SLC24A4: variants seen among roughly 807,000 people sequenced by gnomAD.
The protein encoded by SLC24A4 is sodium/potassium/calcium exchanger 4.
A neutral mutation model predicts 79.0 loss-of-function variants in SLC24A4; 53 were observed. The ratio of observed to expected loss-of-function variants is 0.67; its 90% confidence interval spans 0.54 to 0.84. The LOEUF is 0.84. Ranked by LOEUF, SLC24A4 falls within the 40% of genes least tolerant of loss-of-function variation. The probability of loss-of-function intolerance (pLI) is 0.00; values close to 1 mark genes in which losing one functional copy is unlikely to be tolerated. For synonymous variants in SLC24A4, 323 were observed against 323.8 expected (o/e 1.00, Z 0.03); for missense variants, 731 against 822.0 (o/e 0.89, Z 1.35).
chr14:92,480,537 C>G (rs543007657), intron 12 of SLC24A4, among the ~76,000 whole-genome samples: 2 of 151,712 alleles, frequency 1.3e-5, no homozygotes, highest in African/African-American at 4.8e-5. Flanking sequence ...TCATGATCCA[C>G]CCGCCTCGGC....
chr14:92,359,679 A>G (rs1887390061), intron 2 of SLC24A4, among the ~76,000 whole-genome samples: 1 of 152,230 alleles, frequency 6.6e-6, no homozygotes, highest in African/African-American at 2.4e-5. Context: ...AAGTAATTAT[A>G]AAGTAAAAAC....
intron 16 of SLC24A4, chr14:92,492,972 A>G (rs142989980): frequency 0.029 from 4,926 of 171,976 alleles, 40 homozygotes; most frequent in Admixed American, 0.046. Flanking sequence ...ACACACACAC[A>G]CACACACACA....
intron 2 of SLC24A4, among the ~76,000 whole-genome samples, chr14:92,372,266 C>A (rs1430715723): frequency 6.6e-6 from 1 of 152,120 alleles, no homozygotes; most frequent in Non-Finnish European, 1.5e-5. Flanking sequence ...GCACTTGAGT[C>A]TCACCAGACA....
At position 92,444,932 on chromosome 14, in the gene SLC24A4, TACACACACACACAC is replaced by T. The variant is rs10548937; in HGVS notation, c.658-358_658-345del. 7.7e-3 allele frequency among the ~76,000 whole-genome samples: 1,100 copies of T among 142,938 alleles called. 13 individuals carry two copies. Among genetic ancestry groups the T allele is most frequent in the African/African-American group, 0.026 (1,026 of 39,360 alleles). The allele number at this position is 142,938 out of a possible 152,430, so 93.8% of individuals were successfully genotyped here. On this transcript the variant is annotated intron_variant, in intron 7 of 16. Coordinates refer to ENST00000532405, the MANE Select transcript of SLC24A4 (RefSeq NM_153646.4). ...CACACACACCCTATATACACACACA[TACACACACACACAC>T]ACACACACACACACACACACACACA...
At chr14:92,363,709 G>A (rs952856474) in intron 2 of SLC24A4, among the ~76,000 whole-genome samples, 1 of 151,990 alleles carries the variant, frequency 6.6e-6, no homozygotes, top group East Asian at 1.9e-4. Flanking sequence ...ACGCATCTGT[G>A]GTCTCAGCTA....
intron 2 of SLC24A4, among the ~76,000 whole-genome samples, chr14:92,394,496 G>A (rs575752939): frequency 1.9e-4 from 29 of 152,096 alleles, no homozygotes; most frequent in Middle Eastern, 3.2e-3. Context: ...TCCCAGCCAC[G>A]CAGGAGAGTT....
intron 2 of SLC24A4, among the ~76,000 whole-genome samples, chr14:92,368,972 A>C (rs766144064): frequency 1.2e-4 from 19 of 152,148 alleles, no homozygotes; most frequent in Non-Finnish European, 2.2e-4. Flanking sequence ...TACTGGACCC[A>C]TATACAAGGA....
intron 2 of SLC24A4, among the ~76,000 whole-genome samples, chr14:92,373,687 G>A (rs1483957690): frequency 1.3e-5 from 2 of 152,206 alleles, no homozygotes; most frequent in African/African-American, 2.4e-5. Context: ...TGTGGGTTTC[G>A]ACGACCGCAC....
At chr14:92,387,613 A>G (rs375074961) in intron 2 of SLC24A4, among the ~76,000 whole-genome samples, 1 of 152,262 alleles carries the variant, frequency 6.6e-6, no homozygotes, top group African/African-American at 2.4e-5. Flanking sequence ...AGCAGCATTA[A>G]GTACATTCAC....
chr14:92,450,111 A>T (rs1186222994), intron 10 of SLC24A4: 4 of 152,224 alleles, frequency 2.6e-5, no homozygotes, highest in African/African-American at 9.7e-5. Context: ...GGCCTTCACC[A>T]GGTGAGCGCC....
At chr14:92,416,337 G>A (rs1890986417) in intron 2 of SLC24A4, among the ~76,000 whole-genome samples, 1 of 152,130 alleles carries the variant, frequency 6.6e-6, no homozygotes. Context: ...TCTACCCCAA[G>A]GGGACTCGGT....
At chr14:92,376,975 C>T (rs1042632926) in intron 2 of SLC24A4, among the ~76,000 whole-genome samples, 7 of 152,208 alleles carry the variant, frequency 4.6e-5, no homozygotes, top group African/African-American at 1.4e-4. Context: ...TGGGAACACT[C>T]GTCTGAGTGA....
rs1214276840 is a variant in SLC24A4, at chr14:92,493,001, CACACACACACACACACAG to C, written c.1717-473_1717-456del. 4.3e-3 allele frequency: 1,426 copies of C among 335,104 alleles called. 10 individuals are homozygous for C. The highest frequency in any genetic ancestry group is 5.8e-3 in the Non-Finnish European group (974 of 168,502). The allele number at this position is 335,104 out of a possible 1,614,324, so 20.8% of individuals were successfully genotyped here. A position where few individuals can be genotyped will look rare whatever the true frequency, so the allele number is the denominator to read the frequency against. ...ACACACACACACACACACACACACA[CACACACACACACACACAG>C]AGAAAGATTTGCCCAGCCAGGGGTC... On this transcript the variant is annotated intron_variant, in intron 16 of 16. Coordinates refer to ENST00000532405, the MANE Select transcript of SLC24A4 (RefSeq NM_153646.4).
intron 2 of SLC24A4, among the ~76,000 whole-genome samples, chr14:92,397,736 A>G (rs1371869327): frequency 6.6e-6 from 1 of 152,188 alleles, no homozygotes. Context: ...GGAACGAATA[A>G]GATTTCTGCA....
At chr14:92,425,794 A>G (rs1258487943) in intron 2 of SLC24A4, among the ~76,000 whole-genome samples, 1 of 152,124 alleles carries the variant, frequency 6.6e-6, no homozygotes, top group Non-Finnish European at 1.5e-5. Context: ...AGCTTGGGAA[A>G]CATAGTGATA....
chr14:92,328,367 C>G (rs1459740483), intron 2 of SLC24A4, among the ~76,000 whole-genome samples: 1 of 152,134 alleles, frequency 6.6e-6, no homozygotes, highest in East Asian at 1.9e-4. Flanking sequence ...ACAGGGAAAG[C>G]TAGGTGACAT....
At chr14:92,426,767 G>T (rs1891588777) in intron 2 of SLC24A4, among the ~76,000 whole-genome samples, 1 of 151,986 alleles carries the variant, frequency 6.6e-6, no homozygotes, top group African/African-American at 2.4e-5. Context: ...TGGGGCGGGG[G>T]GGAATGACAA....
intron 7 of SLC24A4, among the ~76,000 whole-genome samples, chr14:92,444,810 G>A (rs911716787): frequency 2.6e-5 from 4 of 151,932 alleles, no homozygotes; most frequent in Admixed American, 6.6e-5. Context: ...AGCCAAAATC[G>A]CACTGCTGCA....
At chr14:92,438,663 G>C (rs868597511) in intron 3 of SLC24A4, among the ~76,000 whole-genome samples, 1 of 148,808 alleles carries the variant, frequency 6.7e-6, no homozygotes, top group Non-Finnish European at 1.5e-5. Context: ...GCGAGGTATC[G>C]GGGGAAGGGG....
Sources: allele counts gnomAD v4.1 joint callset (sites outside exome capture counted in the v4.1 genomes callset), GRCh38; gene constraint gnomAD v4.1.1; transcripts MANE v1.5; gene names NCBI Gene and HGNC (gene_info 2026-07-23, HGNC 2026-07-21).